VPS13D: variants seen among roughly 807,000 people sequenced by gnomAD.
VPS13D encodes the protein intermembrane lipid transfer protein VPS13D.
Under a neutral mutation model 461.9 loss-of-function variants are expected in VPS13D, and 187 were observed. The observed-to-expected ratio is 0.40, with a 90% CI of 0.36 to 0.46. The LOEUF is 0.46. Ranked by LOEUF, VPS13D falls within the 20% of genes least tolerant of loss-of-function variation. The probability of loss-of-function intolerance (pLI) is 0.60; values close to 1 mark genes in which losing one functional copy is unlikely to be tolerated. For synonymous variants in VPS13D, 1,951 were observed against 1,986.3 expected, an observed-to-expected ratio of 0.98 and a Z score of 0.47; for missense variants, 4,711 against 5,364.9, an observed-to-expected ratio of 0.88 and a Z score of 3.81.
chr1:12,416,290 T>C (rs1374117055), intron 64 of VPS13D, among the ~76,000 whole-genome samples: 1 of 152,220 alleles, frequency 6.6e-6, no homozygotes, highest in Non-Finnish European at 1.5e-5. Flanking sequence ...TCTTCCTCAC[T>C]TTCCTTTTGT....
rs529071990 is a variant in VPS13D, at chr1:12,383,585, G to T, written c.11370+430G>T. Among the ~76,000 whole-genome samples, 14 of 152,274 alleles carry T rather than the reference G, an allele frequency of 9.2e-5. No homozygotes were observed. In the South Asian group the frequency reaches 1.7e-3, roughly 18 times the overall value. On this transcript the variant is annotated intron_variant, in intron 58 of 69. Coordinates refer to ENST00000620676, the MANE Select transcript of VPS13D (RefSeq NM_015378.4). The stretch of plus-strand genomic sequence containing the variant: ...GGATTTGTATTCCCAGATTTAGAGG[G>T]TGGGGAGCTTCCTAAGAGAAGTAGT...
chr1:12,381,519 C>T (rs1570050760), intron 57 of VPS13D, among the ~76,000 whole-genome samples: 1 of 152,210 alleles, frequency 6.6e-6, no homozygotes, highest in South Asian at 2.1e-4. Context: ...CTCCGTACTT[C>T]TATAATTGAA....
At chr1:12,267,744 G>A in intron 14 of VPS13D, 101 bp from the exon 15 acceptor site, 2 of 1,008,060 alleles carry the variant, frequency 2.0e-6, no homozygotes, top group Non-Finnish European at 3.1e-6. Flanking sequence ...TTGATTTGAT[G>A]GTGCTAAGGG....
chr1:12,256,348 A>G lies in VPS13D; in HGVS notation c.685A>G (p.Ser229Gly). The part of the protein sequence containing the change: ...QMELQEAMAR[S>G]MESRSHHYVL... ...TGACACACAGGAGGCCATGGCCAGG[A>G]GCATGGAGAGTCGCAGCCATCACTA... The change falls in exon 8 of 70, where the codon AGC (serine) becomes GGC (glycine). Residue 229 changes from serine (S) to glycine (G), a missense_variant. Transcript: ENST00000620676. 6.2e-7 allele frequency: 1 copy of G among 1,613,828 alleles called. No homozygotes were observed. The highest frequency in any genetic ancestry group is 8.5e-7 in the Non-Finnish European group (1 of 1,180,006).
intron 5 of VPS13D, among the ~76,000 whole-genome samples, chr1:12,248,461 G>A (rs993337482): frequency 5.3e-5 from 8 of 151,984 alleles, no homozygotes; most frequent in African/African-American, 1.5e-4. Flanking sequence ...TCCTGCCTCA[G>A]CCTCCTGAGT....
chr1:12,262,328 AATATAG>A (rs937480107), intron 13 of VPS13D, among the ~76,000 whole-genome samples: 1 of 152,250 alleles, frequency 6.6e-6, no homozygotes, highest in Non-Finnish European at 1.5e-5. Flanking sequence ...AAAGACATTT[AATATAG>A]ATATACAGAC....
At chr1:12,419,689 C>G (rs1386788102) in intron 65 of VPS13D, among the ~76,000 whole-genome samples, 1 of 152,140 alleles carries the variant, frequency 6.6e-6, no homozygotes, top group African/African-American at 2.4e-5. Flanking sequence ...GAAATCCACC[C>G]TTGTAATCCA....
intron 2 of VPS13D, among the ~76,000 whole-genome samples, chr1:12,240,373 T>C (rs544328646): frequency 7.5e-4 from 114 of 152,034 alleles, no homozygotes; most frequent in African/African-American, 2.7e-3. Context: ...GGTGGGTGGA[T>C]CACTTGAGGT....
intron 26 of VPS13D, among the ~76,000 whole-genome samples, chr1:12,307,004 A>G (rs959694966): frequency 2.0e-5 from 3 of 152,188 alleles, no homozygotes; most frequent in African/African-American, 7.2e-5. Context: ...GCCCTGGAGA[A>G]TCTCCAAAGC....
rs141563754 is a variant in VPS13D at position 12,244,120 on chromosome 1, T to C, written c.176-126T>C. 1.9e-5 allele frequency: 17 copies of C among 900,436 alleles called. No homozygotes were observed. In the South Asian group the frequency reaches 3.0e-4, roughly 16 times the overall value. The allele number at this position is 900,436 out of a possible 1,614,324, so 55.8% of individuals were successfully genotyped here. A position where few individuals can be genotyped will look rare whatever the true frequency, so the allele number is the denominator to read the frequency against. On this transcript the variant is annotated intron_variant, in intron 3 of 69. Transcript: ENST00000620676. ...ACATGTGCAAGAGCCTGCTGCCTGTTGTTTTAAATAAAAAAAAGTAGTAAC... is the reference window on the plus strand; with the variant it reads ...ACATGTGCAAGAGCCTGCTGCCTGTCGTTTTAAATAAAAAAAAGTAGTAAC...
At chr1:12,336,899 A>G (rs1346842827) in intron 39 of VPS13D, 1 of 152,182 alleles carries the variant, frequency 6.6e-6, no homozygotes, top group African/African-American at 2.4e-5. Context: ...AATCTTTGTA[A>G]TATGTCCAAG....
chr1:12,441,634 A>G (rs1253918750), intron 65 of VPS13D, among the ~76,000 whole-genome samples: 1 of 152,148 alleles, frequency 6.6e-6, no homozygotes, highest in African/African-American at 2.4e-5. Context: ...GGAACGATAA[A>G]AGTAGTAGCT....
intron 38 of VPS13D, among the ~76,000 whole-genome samples, chr1:12,334,167 G>A (rs187189617): frequency 3.3e-5 from 5 of 152,298 alleles, no homozygotes; most frequent in Non-Finnish European, 1.5e-5. Flanking sequence ...AGAATGTATT[G>A]TGAAATGAGA....
Position 12,276,549 on chromosome 1 carries a change from T to C in VPS13D, c.2961T>C (p.Phe987=), listed in dbSNP as rs757280453. Reference sequence around the variant, plus strand: ...AGGTGTTTGGTACCAATGCTCACTTTGTGAAGAGGCCTTATGATGCTGAAG... The same window carrying C: ...AGGTGTTTGGTACCAATGCTCACTTCGTGAAGAGGCCTTATGATGCTGAAG... ...VLKVFGTNAH[F]VKRPYDAEVS... Residue 987 remains phenylalanine (F), a synonymous_variant, in exon 19 of 70, where the codon TTT becomes TTC. Transcript: ENST00000620676. This position sits in a 1 kb window ranked among gnomAD's most constrained non-coding sequence, Gnocchi z 4.5. 2 of 1,614,106 alleles carry C rather than the reference T, an allele frequency of 1.2e-6. No individual in the cohort carries two copies. Among genetic ancestry groups the C allele is most frequent in the East Asian group, 2.2e-5 (1 of 44,898 alleles).
chr1:12,294,444 A>G (rs554496995), intron 24 of VPS13D, among the ~76,000 whole-genome samples: 1 of 152,356 alleles, frequency 6.6e-6, no homozygotes, highest in East Asian at 1.9e-4. Context: ...AGAATGATCT[A>G]TTATTGAATG....
chr1:12,238,725 GGCGATCCTGAA>G (rs1640248477), intron 2 of VPS13D, among the ~76,000 whole-genome samples: 1 of 149,264 alleles, frequency 6.7e-6, no homozygotes, highest in Non-Finnish European at 1.5e-5. Flanking sequence ...TCGAACTTTT[GGCGATCCTGAA>G]GCGATCCTCC....
chr1:12,385,407 A>G, intron 59 of VPS13D, 34 bp downstream of exon 59: 2 of 1,550,228 alleles, frequency 1.3e-6, no homozygotes, highest in Non-Finnish European at 1.8e-6. Context: ...TATTTATTTG[A>G]TCATCAGTTT....
intron 50 of VPS13D, among the ~76,000 whole-genome samples, chr1:12,360,570 A>G (rs933999625): frequency 1.3e-5 from 2 of 152,180 alleles, no homozygotes; most frequent in Non-Finnish European, 2.9e-5. Flanking sequence ...AATTAGATAC[A>G]TCTTTTGTAG....
chr1:12,447,354 G>A (rs547448091), intron 65 of VPS13D, among the ~76,000 whole-genome samples: 2 of 152,260 alleles, frequency 1.3e-5, no homozygotes, highest in African/African-American at 2.4e-5. Flanking sequence ...AGCTTTATCT[G>A]TAAAATGAGC....
Sources: gnomAD v4.1 joint callset for allele counts (sites outside exome capture counted in the v4.1 genomes callset) on GRCh38, gnomAD v4.1.1 for gene constraint, Gnocchi (gnomAD v3.1) non-coding constraint, MANE v1.5 for transcripts, NCBI Gene and HGNC (gene_info 2026-07-23, HGNC 2026-07-21) for gene names.